The following NKAIN2 variants were observed in gnomAD, a reference collection of about 807,000 sequenced individuals.
NKAIN2 encodes the protein sodium/potassium transporting ATPase interacting 2.
NKAIN2 carries 14 observed loss-of-function variants against 32.6 expected under a neutral mutation model. The observed-to-expected ratio is 0.43, with a 90% CI of 0.28 to 0.67. The LOEUF is 0.67. Ranked by LOEUF, NKAIN2 falls within the 30% of genes least tolerant of loss-of-function variation. NKAIN2 has a pLI of 0.17. For missense variants in NKAIN2, 198 were observed against 258.3 expected (o/e 0.77, Z 1.60); for synonymous variants, 80 against 87.2 (o/e 0.92, Z 0.46).
In NKAIN2 at chr6:124,589,781, T is replaced by A. The variant is rs1305250754; in HGVS notation, c.274-68405T>A. Among the ~76,000 whole-genome samples the A allele has an allele frequency of 2.0e-5, 3 of 152,232 alleles. No individual in the cohort carries two copies. In the East Asian group the frequency reaches 5.8e-4, roughly 29 times the overall value. On this transcript the variant is annotated intron_variant, in intron 3 of 6. Coordinates refer to ENST00000368417, the MANE Select transcript of NKAIN2 (RefSeq NM_001040214.3). ...ACCTATCAACTCGTCATCTAGGTTTTAAGCCCTGCATGCATTAGGTATTAT... is the reference window on the plus strand; with the variant it reads ...ACCTATCAACTCGTCATCTAGGTTTAAAGCCCTGCATGCATTAGGTATTAT...
At chr6:124,584,233 C>T (rs1781625457) in intron 3 of NKAIN2, among the ~76,000 whole-genome samples, 1 of 152,020 alleles carries the variant, frequency 6.6e-6, no homozygotes, top group South Asian at 2.1e-4. Context: ...AAAACATTTG[C>T]AAACTACCCA....
At chr6:124,797,131 G>A (rs1438219992) in intron 5 of NKAIN2, among the ~76,000 whole-genome samples, 16 of 130,788 alleles carry the variant, frequency 1.2e-4, no homozygotes, top group Non-Finnish European at 1.5e-5. Context: ...TTAAAAGGAA[G>A]CCATGCAGCC....
chr6:124,477,557 C>A (rs1478386515), intron 3 of NKAIN2, among the ~76,000 whole-genome samples: 2 of 152,088 alleles, frequency 1.3e-5, no homozygotes, highest in Admixed American at 6.6e-5. Flanking sequence ...GGTACTCCTG[C>A]ATCAGCCCCC....
intron 3 of NKAIN2, among the ~76,000 whole-genome samples, chr6:124,426,553 G>A (rs575867990): frequency 3.3e-5 from 5 of 152,194 alleles, no homozygotes; most frequent in South Asian, 2.1e-4. Flanking sequence ...TAGACAGATC[G>A]AAAATAAGTA....
intron 3 of NKAIN2, among the ~76,000 whole-genome samples, chr6:124,470,562 G>GCA (rs1270449476): frequency 2.0e-5 from 3 of 152,046 alleles, no homozygotes; most frequent in Admixed American, 6.6e-5. Flanking sequence ...CAGCACACAT[G>GCA]CACACACACA....
At chr6:124,465,630 TAAA>T (rs5879736) in intron 3 of NKAIN2, among the ~76,000 whole-genome samples, 3 of 140,816 alleles carry the variant, frequency 2.1e-5, no homozygotes, top group African/African-American at 5.2e-5. Flanking sequence ...AAAGTAAAGT[TAAA>T]AAAAAAAAAA....
intron 2 of NKAIN2, among the ~76,000 whole-genome samples, chr6:124,328,463 C>G (rs536036477): frequency 6.6e-6 from 1 of 152,270 alleles, no homozygotes; most frequent in South Asian, 2.1e-4. Context: ...AGGGGTCTTT[C>G]TCTTTGCTAT....
intron 1 of NKAIN2, among the ~76,000 whole-genome samples, chr6:124,260,598 G>C (rs1269260327): frequency 6.6e-6 from 1 of 152,112 alleles, no homozygotes; most frequent in Non-Finnish European, 1.5e-5. Flanking sequence ...GAGAGAAGGG[G>C]GTGGTGAGAC....
At chr6:124,145,637 C>T (rs1787362493) in intron 1 of NKAIN2, among the ~76,000 whole-genome samples, 1 of 152,088 alleles carries the variant, frequency 6.6e-6, no homozygotes. Flanking sequence ...TCCCGAGTAG[C>T]TTGGACTACA....
intron 2 of NKAIN2, among the ~76,000 whole-genome samples, chr6:124,286,326 A>G (rs537475330): frequency 1.4e-4 from 22 of 152,240 alleles, no homozygotes; most frequent in African/African-American, 5.1e-4. Context: ...TCCAACAAAA[A>G]TACTCTCGTC....
intron 1 of NKAIN2, among the ~76,000 whole-genome samples, chr6:124,141,331 C>T (rs538435684): frequency 6.6e-6 from 1 of 152,098 alleles, no homozygotes; most frequent in African/African-American, 2.4e-5. Context: ...ACCAGTCTAG[C>T]CCAAGCAAAA....
intron 4 of NKAIN2, among the ~76,000 whole-genome samples, chr6:124,788,162 C>A (rs1285119204): frequency 6.6e-6 from 1 of 152,068 alleles, no homozygotes; most frequent in East Asian, 1.9e-4. Flanking sequence ...ATATTTCAAA[C>A]AATGGCTCTA....
At chr6:124,532,658 T>C (rs1392558569) in intron 3 of NKAIN2, among the ~76,000 whole-genome samples, 2 of 152,168 alleles carry the variant, frequency 1.3e-5, no homozygotes, top group East Asian at 3.9e-4. Flanking sequence ...TTATTTTCCA[T>C]GTAGACTCCC....
At chr6:124,546,451 A>T (rs1780097050) in intron 3 of NKAIN2, among the ~76,000 whole-genome samples, 1 of 152,120 alleles carries the variant, frequency 6.6e-6, no homozygotes, top group African/African-American at 2.4e-5. Flanking sequence ...TCTGGGATTC[A>T]TTCACCTCCT....
chr6:124,281,195 A>G (rs72980474), intron 1 of NKAIN2, among the ~76,000 whole-genome samples: 28,041 of 152,092 alleles, frequency 0.18, 2,766 homozygotes, highest in East Asian at 0.27. Context: ...TAGAGTTTAG[A>G]TGTTTCTTGC....
chr6:123,899,181 T>C (rs1774438041), intron 1 of NKAIN2, among the ~76,000 whole-genome samples: 1 of 152,230 alleles, frequency 6.6e-6, no homozygotes, highest in Non-Finnish European at 1.5e-5. Context: ...AAATTGGCTT[T>C]GGCCAAGATC....
At chr6:124,733,076 T>G (rs1419413112) in intron 4 of NKAIN2, among the ~76,000 whole-genome samples, 2 of 152,090 alleles carry the variant, frequency 1.3e-5, no homozygotes, top group East Asian at 3.9e-4. Flanking sequence ...TTCCTAGACT[T>G]TATGATTAAA....
intron 3 of NKAIN2, among the ~76,000 whole-genome samples, chr6:124,581,834 A>G (rs908524500): frequency 6.6e-6 from 1 of 152,228 alleles, no homozygotes; most frequent in Admixed American, 6.5e-5. Flanking sequence ...ACAACACACC[A>G]AAACCTGTAA....
intron 3 of NKAIN2, among the ~76,000 whole-genome samples, chr6:124,549,843 G>A (rs1780225656): frequency 6.6e-6 from 1 of 152,160 alleles, no homozygotes; most frequent in South Asian, 2.1e-4. Flanking sequence ...CTTCATATCA[G>A]GGGGTATGTG....
Sources: gnomAD v4.1 joint callset for allele counts (sites outside exome capture counted in the v4.1 genomes callset) on GRCh38, gnomAD v4.1.1 for gene constraint, MANE v1.5 for transcripts, NCBI Gene and HGNC (gene_info 2026-07-23, HGNC 2026-07-21) for gene names.